The following TMC5 variants were observed in gnomAD, a reference collection of about 807,000 sequenced individuals.
The protein encoded by TMC5 is transmembrane channel like 5, also known as transmembrane channel-like protein 5.
In TMC5, 86 loss-of-function variants were observed where a neutral mutation model predicts 110.5. The ratio of observed to expected loss-of-function variants is 0.78; its 90% confidence interval spans 0.65 to 0.93. The LOEUF is 0.93. Ranked by LOEUF, TMC5 falls within the 40% of genes least tolerant of loss-of-function variation. The pLI is 0.00. For missense variants in TMC5, 1,144 were observed against 1,222.8 expected, an observed-to-expected ratio of 0.94 and a Z score of 0.96; for synonymous variants, 455 against 439.5, an observed-to-expected ratio of 1.04 and a Z score of -0.44.
upstream of TMC5, chr16:19,410,668 G>C (rs1434075541): frequency 1.3e-5 from 2 of 152,330 alleles, no homozygotes; most frequent in Non-Finnish European, 2.9e-5. Flanking sequence ...GATCGGCCCC[G>C]AGGCAGGAAG....
rs780152478 is a variant in TMC5, at chr16:19,444,257, A to G, written c.958+7A>G. 2 of 1,613,272 alleles carry G rather than the reference A, an allele frequency of 1.2e-6. No individual in the cohort carries two copies. Among genetic ancestry groups the G allele is most frequent in the East Asian group, 2.2e-5 (1 of 44,876 alleles). On this transcript the variant is annotated splice_region_variant and intron_variant, in intron 4 of 21. Transcript: ENST00000542583. ...GCTCCTGGAAGTGGCTATGGTAAGC[A>G]TTTGTTAAGCCAGGATCATATCCTG...
chr16:19,422,154 C>T (rs1160986365), intron 1 of TMC5, among the ~76,000 whole-genome samples: 1 of 151,798 alleles, frequency 6.6e-6, no homozygotes, highest in Non-Finnish European at 1.5e-5. Flanking sequence ...TTGCTTGAAC[C>T]TGGGAGGTGG....
chr16:19,441,230 T>C (rs1366821647), intron 3 of TMC5, among the ~76,000 whole-genome samples: 2 of 152,204 alleles, frequency 1.3e-5, no homozygotes, highest in African/African-American at 2.4e-5. Flanking sequence ...GAAAATCTTT[T>C]GGAGATCTAA....
At chr16:19,446,043 A>G (rs1967606874) in intron 4 of TMC5, among the ~76,000 whole-genome samples, 2 of 135,872 alleles carry the variant, frequency 1.5e-5, no homozygotes, top group Non-Finnish European at 3.1e-5. Context: ...ACAGGACAGG[A>G]CAGGAAAGGA....
At chr16:19,458,196 TTTTAA>T (rs1374900977) in intron 5 of TMC5, among the ~76,000 whole-genome samples, 3 of 152,114 alleles carry the variant, frequency 2.0e-5, no homozygotes, top group Non-Finnish European at 4.4e-5. Context: ...ATGCTGTTTC[TTTTAA>T]TTTAATTTAA....
chr16:19,480,822 AAAAG>A (rs1447247168), intron 14 of TMC5, among the ~76,000 whole-genome samples: 1 of 151,824 alleles, frequency 6.6e-6, no homozygotes, highest in African/African-American at 2.4e-5. Context: ...AAAAAAAAAA[AAAAG>A]TGAAAAGATT....
At chr16:19,467,343 G>A (rs1423961584) in intron 9 of TMC5, among the ~76,000 whole-genome samples, 3 of 152,050 alleles carry the variant, frequency 2.0e-5, no homozygotes, top group African/African-American at 7.2e-5. Flanking sequence ...CTTGTAGACG[G>A]CCACTGTCTC....
chr16:19,419,455 C>T lies in TMC5; in HGVS notation c.-308+1363C>T, dbSNP rs575430421. On this transcript the variant is annotated intron_variant, in intron 1 of 21. Coordinates refer to ENST00000542583, the MANE Select transcript of TMC5 (RefSeq NM_001261841.2). Reference sequence around the variant, plus strand: ...TGAGACAGTGTCTTGCTCTGTCGCTCAGGCTGGAGTGCAGTGGTGCGATCT... The same window carrying T: ...TGAGACAGTGTCTTGCTCTGTCGCTTAGGCTGGAGTGCAGTGGTGCGATCT... Among the ~76,000 whole-genome samples the T allele has an allele frequency of 2.5e-4, 30 of 118,768 alleles. No homozygotes were observed. The South Asian group carries it at 3.3e-3, about 13-fold the overall frequency. The allele number at this position is 118,768 out of a possible 152,430, so 77.9% of individuals were successfully genotyped here. A position where few individuals can be genotyped will look rare whatever the true frequency, so the allele number is the denominator to read the frequency against.
intron 8 of TMC5, 31 bp from the exon 9 acceptor site, chr16:19,466,051 C>T (rs1479985394): frequency 6.2e-7 from 1 of 1,609,868 alleles, no homozygotes; most frequent in Non-Finnish European, 8.5e-7. Context: ...TCAGGAGATC[C>T]ACCTGACCTA....
chr16:19,420,603 G>A (rs1232202732), intron 1 of TMC5, among the ~76,000 whole-genome samples: 4 of 152,016 alleles, frequency 2.6e-5, no homozygotes, highest in South Asian at 4.2e-4. Context: ...TGGGACTAAC[G>A]GCTGCATGCC....
chr16:19,486,526 G>A (rs1295984961), intron 15 of TMC5, among the ~76,000 whole-genome samples: 1 of 152,066 alleles, frequency 6.6e-6, no homozygotes, highest in Admixed American at 6.6e-5. Flanking sequence ...ACAAGCATAC[G>A]CCATCATGCC....
intron 5 of TMC5, chr16:19,456,522 T>G (rs1967876959): frequency 7.3e-7 from 1 of 1,379,048 alleles, no homozygotes; most frequent in African/African-American, 1.5e-5. Context: ...GGAGTTATGT[T>G]GTGATTTGTG....
chr16:19,472,894 A>G (rs1968379814), intron 11 of TMC5, among the ~76,000 whole-genome samples: 1 of 152,164 alleles, frequency 6.6e-6, no homozygotes, highest in Non-Finnish European at 1.5e-5. Flanking sequence ...CAGGGAGGAT[A>G]TGGGAATGTG....
chr16:19,467,097 G>T (rs1968209598), intron 9 of TMC5, among the ~76,000 whole-genome samples: 1 of 151,936 alleles, frequency 6.6e-6, no homozygotes, highest in Non-Finnish European at 1.5e-5. Flanking sequence ...AGTGAGCTGA[G>T]ATCAGTCTAC....
At chr16:19,420,620 C>G (rs1966963022) in intron 1 of TMC5, among the ~76,000 whole-genome samples, 1 of 151,996 alleles carries the variant, frequency 6.6e-6, no homozygotes, top group African/African-American at 2.4e-5. Context: ...TGCCACTGTG[C>G]TCAGCTAATT....
intron 1 of TMC5, among the ~76,000 whole-genome samples, chr16:19,429,908 A>T (rs929869057): frequency 6.6e-6 from 1 of 151,806 alleles, no homozygotes; most frequent in African/African-American, 2.4e-5. Context: ...ATTAGGTCCC[A>T]CCCCAGTGAA....
intron 10 of TMC5, among the ~76,000 whole-genome samples, chr16:19,471,656 A>C (rs1278094416): frequency 1.3e-5 from 2 of 152,036 alleles, no homozygotes; most frequent in African/African-American, 4.8e-5. Context: ...TTTGGGCTGG[A>C]TTCATGTCTC....
At chr16:19,475,500 C>T (rs546328527) in intron 12 of TMC5, among the ~76,000 whole-genome samples, 18 of 152,144 alleles carry the variant, frequency 1.2e-4, no homozygotes, top group Non-Finnish European at 2.5e-4. Context: ...CTTGCCTTAC[C>T]ACGGTCTGTG....
intron 10 of TMC5, among the ~76,000 whole-genome samples, chr16:19,470,198 T>TG (rs1968301085): frequency 6.7e-6 from 1 of 148,984 alleles, no homozygotes; most frequent in African/African-American, 2.5e-5. Context: ...CCAGCTGTTT[T>TG]TTTTTTTTTT....
Sources: allele counts gnomAD v4.1 joint callset (sites outside exome capture counted in the v4.1 genomes callset), GRCh38; gene constraint gnomAD v4.1.1; transcripts MANE v1.5; gene names NCBI Gene and HGNC (gene_info 2026-07-23, HGNC 2026-07-21).